ACYP2: variants seen among roughly 807,000 people sequenced by gnomAD.
ACYP2 encodes the protein acylphosphatase 2.
In ACYP2, 12 loss-of-function variants were observed where a neutral mutation model predicts 11.2. That is an observed-to-expected ratio of 1.08 (90% confidence interval 0.69 to 1.74). The LOEUF is 1.74. Ranked by LOEUF, ACYP2 falls within the 40% of genes most tolerant of loss-of-function variation. The pLI, the probability that ACYP2 is intolerant of heterozygous loss-of-function variation, is 0.00. For synonymous variants in ACYP2, 43 were observed against 32.2 expected (o/e 1.33, Z -1.13); for missense variants, 134 against 101.9 (o/e 1.31, Z -1.35).
At chr2:54,198,570 G>A (rs1307253061) in intron 6 of ACYP2, among the ~76,000 whole-genome samples, 2 of 151,412 alleles carry the variant, frequency 1.3e-5, no homozygotes, top group Non-Finnish European at 2.9e-5. Context: ...GTCATGGTGT[G>A]TTTTTGTTTG....
Position 54,196,761 on chromosome 2 carries a change from C to T in ACYP2, c.404+58013C>T, listed in dbSNP as rs555012982. Among the ~76,000 whole-genome samples the T allele has an allele frequency of 9.2e-5, 14 of 152,350 alleles. No individual in the cohort carries two copies. The South Asian group carries it at 1.9e-3, about 20-fold the overall frequency. On this transcript the variant is annotated intron_variant, in intron 6 of 6. Transcript: ENST00000607452. ...TTTGTCTCCATATATTGGTCACATC[C>T]CCAGTGGGGATGAAATCGCCCCCAG...
chr2:54,158,203 T>C (rs1682524828), intron 6 of ACYP2, among the ~76,000 whole-genome samples: 1 of 150,858 alleles, frequency 6.6e-6, no homozygotes, highest in Non-Finnish European at 1.5e-5. Flanking sequence ...CTTTGTTTTT[T>C]TTTTTTTTTT....
At chr2:54,230,725 C>G (rs1333130009) in intron 6 of ACYP2, among the ~76,000 whole-genome samples, 1 of 152,046 alleles carries the variant, frequency 6.6e-6, no homozygotes, top group Non-Finnish European at 1.5e-5. Flanking sequence ...TAGACAAACT[C>G]CACCAATTGT....
intron 2 of ACYP2, among the ~76,000 whole-genome samples, chr2:54,048,319 A>G (rs767551927): frequency 2.0e-4 from 31 of 152,230 alleles, no homozygotes; most frequent in Non-Finnish European, 3.7e-4. Context: ...CCAGTTGCTC[A>G]GGAAGCTGAG....
intron 2 of ACYP2, among the ~76,000 whole-genome samples, chr2:54,026,656 C>G (rs1246715744): frequency 1.3e-5 from 2 of 152,166 alleles, no homozygotes; most frequent in Non-Finnish European, 1.5e-5. Flanking sequence ...ATGGAACCAG[C>G]CCAAATGCCC....
At chr2:54,267,838 G>A (rs1403432603) in intron 6 of ACYP2, among the ~76,000 whole-genome samples, 1 of 152,166 alleles carries the variant, frequency 6.6e-6, no homozygotes, top group African/African-American at 2.4e-5. Flanking sequence ...AAAAGGTTCA[G>A]AGCTATCTTC....
At position 54,066,926 on chromosome 2, in the gene ACYP2, A is replaced by G. The variant is rs529685053; in HGVS notation, c.277+9566A>G. ...GAGTAGCTCCACTACAAATAAGGGA[A>G]AATGCTGGAGCTAGAGTCAACAGAT... On this transcript the variant is annotated intron_variant, in intron 4 of 6. Coordinates refer to ENST00000607452, the MANE Select transcript of ACYP2 (RefSeq NM_001320586.2). Among the ~76,000 whole-genome samples, 10 of 152,344 alleles carry G rather than the reference A, an allele frequency of 6.6e-5. No individual in the cohort carries two copies. In the South Asian group the frequency reaches 1.9e-3, roughly 28 times the overall value.
chr2:54,050,581 A>G (rs1292341872), intron 2 of ACYP2, among the ~76,000 whole-genome samples: 1 of 151,876 alleles, frequency 6.6e-6, no homozygotes, highest in African/African-American at 2.4e-5. Context: ...TAACTAAAGA[A>G]AACAAAATTT....
chr2:54,210,978 G>T (rs1685310024), intron 6 of ACYP2, among the ~76,000 whole-genome samples: 1 of 152,084 alleles, frequency 6.6e-6, no homozygotes, highest in Non-Finnish European at 1.5e-5. Flanking sequence ...GATGGCACTG[G>T]TCTCTTTCAC....
intron 4 of ACYP2, among the ~76,000 whole-genome samples, chr2:54,123,938 C>G (rs910384488): frequency 6.6e-6 from 1 of 152,096 alleles, no homozygotes; most frequent in Non-Finnish European, 1.5e-5. Context: ...ACATTGCTGC[C>G]CCAAGTAAAA....
chr2:54,248,688 T>G (rs1473340185), intron 6 of ACYP2, among the ~76,000 whole-genome samples: 2 of 152,196 alleles, frequency 1.3e-5, no homozygotes, highest in Non-Finnish European at 2.9e-5. Flanking sequence ...ACAGGGACTA[T>G]GTCTTACTCA....
rs781342586 is a variant in ACYP2 at position 54,255,316 on chromosome 2, T to C, written c.405-49372T>C. 16 of 1,614,074 alleles carry C rather than the reference T, an allele frequency of 9.9e-6. No individual in the cohort carries two copies. In the South Asian group the frequency reaches 1.5e-4, roughly 16 times the overall value. Reference sequence around the variant, plus strand: ...GTGTCTGAGCTCCTTCACTTCCAAATTGGTTAAGTAGCTTAACATCTCGGC... The same window carrying C: ...GTGTCTGAGCTCCTTCACTTCCAAACTGGTTAAGTAGCTTAACATCTCGGC... On this transcript the variant is annotated intron_variant, in intron 6 of 6. Transcript: ENST00000607452.
chr2:54,206,006 C>A lies in ACYP2; in HGVS notation c.404+67258C>A, dbSNP rs2103920269. Among the ~76,000 whole-genome samples, 3 of 152,238 alleles carry A rather than the reference C, an allele frequency of 2.0e-5. No homozygotes were observed. In the Middle Eastern group the frequency reaches 0.01, roughly 518 times the overall value. On this transcript the variant is annotated intron_variant, in intron 6 of 6. Coordinates refer to ENST00000607452, the MANE Select transcript of ACYP2 (RefSeq NM_001320586.2). The stretch of plus-strand genomic sequence containing the variant: ...TTCCTATATTTATCATTCTAATTTA[C>A]TTCTATTGCCTAGTCCAAGGATCAT...
At chr2:54,015,448 C>T (rs112687647) in intron 2 of ACYP2, among the ~76,000 whole-genome samples, 32,870 of 151,358 alleles carry the variant, frequency 0.22, 3,893 homozygotes, top group African/African-American at 0.33. Context: ...ACAGAGGTTG[C>T]GGTGAGTCGA....
chr2:54,147,579 C>CGGT (rs1330224107), intron 6 of ACYP2, among the ~76,000 whole-genome samples: 1 of 152,126 alleles, frequency 6.6e-6, no homozygotes, highest in Non-Finnish European at 1.5e-5. Context: ...GGCTGGAGTG[C>CGGT]GGTGGCTCAG....
chr2:54,277,399 G>A (rs1390669109), intron 6 of ACYP2, among the ~76,000 whole-genome samples: 1 of 152,130 alleles, frequency 6.6e-6, no homozygotes, highest in East Asian at 1.9e-4. Flanking sequence ...AGTAAAATGG[G>A]CCGGGTGCAG....
intron 6 of ACYP2, among the ~76,000 whole-genome samples, chr2:54,216,057 T>C (rs1000924745): frequency 2.0e-5 from 3 of 152,208 alleles, no homozygotes; most frequent in Non-Finnish European, 4.4e-5. Flanking sequence ...CTTTAGCCAA[T>C]GTAGAATTTT....
intron 6 of ACYP2, among the ~76,000 whole-genome samples, chr2:54,247,917 G>A (rs548619082): frequency 2.6e-5 from 4 of 152,340 alleles, no homozygotes; most frequent in South Asian, 2.1e-4. Flanking sequence ...AATGGGGACA[G>A]AAATACTTTG....
At chr2:54,203,742 T>C (rs1359125876) in intron 6 of ACYP2, among the ~76,000 whole-genome samples, 3 of 152,146 alleles carry the variant, frequency 2.0e-5, no homozygotes, top group Non-Finnish European at 4.4e-5. Context: ...TTTCTACTAA[T>C]ATGGTATATT....
Sources: allele counts gnomAD v4.1 joint callset (sites outside exome capture counted in the v4.1 genomes callset), GRCh38; gene constraint gnomAD v4.1.1; transcripts MANE v1.5; gene names NCBI Gene and HGNC (gene_info 2026-07-23, HGNC 2026-07-21).